Variants in OXR1 observed in about 807,000 individuals in gnomAD.
OXR1 encodes oxidation resistance 1.
OXR1 carries 41 observed loss-of-function variants against 104.6 expected under a neutral mutation model. The ratio of observed to expected loss-of-function variants is 0.39; its 90% CI spans 0.31 to 0.51. The LOEUF is 0.51. Ranked by LOEUF, OXR1 falls within the 20% of genes least tolerant of loss-of-function variation. The pLI is 0.77. For missense variants in OXR1, 955 were observed against 1,031.9 expected (o/e 0.93, Z 1.02); for synonymous variants, 348 against 348.4 (o/e 1.00, Z 0.01).
At chr8:106,431,349 C>CCTGCAAAACTGTAACTCAGAGCTTTTGA (rs1209845983) in intron 2 of OXR1, among the ~76,000 whole-genome samples, 2 of 152,142 alleles carry the variant, frequency 1.3e-5, no homozygotes, top group Non-Finnish European at 2.9e-5. Flanking sequence ...AACTGGAACA[C>CCTGCAAAACTGTAACTCAGAGCTTTTGA]CTGCAAAACT....
At chr8:106,635,527 C>T (rs1823056901) in intron 3 of OXR1, among the ~76,000 whole-genome samples, 1 of 152,166 alleles carries the variant, frequency 6.6e-6, no homozygotes, top group African/African-American at 2.4e-5. Flanking sequence ...TCATTGCAAC[C>T]TCCGCCTCCT....
At chr8:106,642,162 C>T (rs936204391) in intron 3 of OXR1, among the ~76,000 whole-genome samples, 2 of 152,070 alleles carry the variant, frequency 1.3e-5, no homozygotes, top group African/African-American at 4.8e-5. Flanking sequence ...TAGGCTAAGG[C>T]ACACAGGGAT....
intron 3 of OXR1, among the ~76,000 whole-genome samples, chr8:106,566,238 G>A (rs973171025): frequency 7.2e-5 from 11 of 151,886 alleles, no homozygotes; most frequent in Non-Finnish European, 1.0e-4. Flanking sequence ...GACAAAGGGC[G>A]AAGATCCAGA....
At chr8:106,286,058 A>G (rs1812488941) in intron 1 of OXR1, among the ~76,000 whole-genome samples, 1 of 152,082 alleles carries the variant, frequency 6.6e-6, no homozygotes, top group African/African-American at 2.4e-5. Flanking sequence ...GAGTTGCTCA[A>G]GGATAGATTC....
intron 3 of OXR1, among the ~76,000 whole-genome samples, chr8:106,662,837 T>TA (rs1825897044): frequency 2.3e-5 from 3 of 129,196 alleles, no homozygotes; most frequent in Non-Finnish European, 5.1e-5. Flanking sequence ...TTTCAGTAAA[T>TA]GGGATGATGA....
intron 3 of OXR1, among the ~76,000 whole-genome samples, chr8:106,593,353 G>A (rs1398946077): frequency 6.6e-6 from 1 of 152,144 alleles, no homozygotes; most frequent in Non-Finnish European, 1.5e-5. Flanking sequence ...TGTCTAATTT[G>A]TATAGAGATA....
At chr8:106,572,219 A>T (rs918661450) in intron 3 of OXR1, among the ~76,000 whole-genome samples, 3 of 152,204 alleles carry the variant, frequency 2.0e-5, no homozygotes, top group African/African-American at 7.2e-5. Context: ...GATTCCAAAA[A>T]GTCTGACAGC....
chr8:106,339,492 C>CAAAAAAAAA (rs562959605), intron 1 of OXR1, among the ~76,000 whole-genome samples: 1 of 7,584 alleles, frequency 1.3e-4, no homozygotes, highest in Non-Finnish European at 1.9e-4. Flanking sequence ...AGACTCCATC[C>CAAAAAAAAA]AAAAAAAAAA....
intron 3 of OXR1, among the ~76,000 whole-genome samples, chr8:106,562,944 C>T (rs990988213): frequency 2.6e-5 from 4 of 152,124 alleles, no homozygotes; most frequent in Admixed American, 1.3e-4. Context: ...ACCACCAGGC[C>T]TGCCTTACAA....
chr8:106,458,696 G>A (rs975345210), intron 2 of OXR1, among the ~76,000 whole-genome samples: 1 of 152,078 alleles, frequency 6.6e-6, no homozygotes, highest in South Asian at 2.1e-4. Flanking sequence ...CAGTCCCACA[G>A]GGGTGGGACT....
At chr8:106,413,665 A>G (rs1189242817) in intron 2 of OXR1, among the ~76,000 whole-genome samples, 1 of 152,050 alleles carries the variant, frequency 6.6e-6, no homozygotes, top group African/African-American at 2.4e-5. Flanking sequence ...CAGTGCTTAC[A>G]GTAGTTATCC....
chr8:106,607,815 C>CTT (rs908000108), intron 3 of OXR1, among the ~76,000 whole-genome samples: 5 of 139,640 alleles, frequency 3.6e-5, no homozygotes, highest in East Asian at 4.0e-4. Context: ...TTTTCTTTTT[C>CTT]TTTTTTTTTT....
intron 3 of OXR1, among the ~76,000 whole-genome samples, chr8:106,664,900 A>T (rs1057435240): frequency 2.6e-5 from 4 of 152,210 alleles, no homozygotes; most frequent in Admixed American, 2.6e-4. Flanking sequence ...AAGCAAAATG[A>T]TGTGTAAAGA....
At chr8:106,654,106 G>A (rs983118646) in intron 3 of OXR1, among the ~76,000 whole-genome samples, 1 of 152,010 alleles carries the variant, frequency 6.6e-6, no homozygotes, top group Non-Finnish European at 1.5e-5. Flanking sequence ...GTTTATAGAA[G>A]ATATAGCAAT....
At chr8:106,626,893 AAAGCACTAGG>A (rs1386700237) in intron 3 of OXR1, among the ~76,000 whole-genome samples, 1 of 151,772 alleles carries the variant, frequency 6.6e-6, no homozygotes, top group African/African-American at 2.4e-5. Context: ...TAACTTTTGT[AAAGCACTAGG>A]ATATATTTTT....
intron 1 of OXR1, among the ~76,000 whole-genome samples, chr8:106,353,103 A>G (rs1437551033): frequency 1.3e-5 from 2 of 152,142 alleles, no homozygotes; most frequent in East Asian, 1.9e-4. Flanking sequence ...TCCCAGCACT[A>G]TGGGAGGCAG....
chr8:106,748,950 G>T (rs571930704), intron 16 of OXR1, among the ~76,000 whole-genome samples: 1 of 152,042 alleles, frequency 6.6e-6, no homozygotes, highest in Admixed American at 6.6e-5. Context: ...CTTAAAATTT[G>T]TATATGTAAT....
chr8:106,405,233 G>GTGTC (rs1554634701), intron 2 of OXR1, among the ~76,000 whole-genome samples: 7 of 124,550 alleles, frequency 5.6e-5, no homozygotes, highest in African/African-American at 2.5e-4. Context: ...GTGTGTGTGT[G>GTGTC]TGTGTGTATA....
At chr8:106,550,495 C>T in intron 3 of OXR1, among the ~76,000 whole-genome samples, 1 of 152,162 alleles carries the variant, frequency 6.6e-6, no homozygotes, top group Non-Finnish European at 1.5e-5. Context: ...CTCTGAGTCC[C>T]CACCTGAATC....
Sources: allele counts gnomAD v4.1 joint callset (sites outside exome capture counted in the v4.1 genomes callset), GRCh38; gene constraint gnomAD v4.1.1; transcripts MANE v1.5; gene names NCBI Gene and HGNC (gene_info 2026-07-23, HGNC 2026-07-21).